Variants in TDRD3 observed in about 807,000 individuals in gnomAD.
The protein encoded by TDRD3 is tudor domain containing 3.
A neutral mutation model predicts 86.7 loss-of-function variants in TDRD3; 45 were observed. The ratio of observed to expected loss-of-function variants is 0.52; its 90% CI spans 0.41 to 0.67. The LOEUF (loss-of-function observed/expected upper bound fraction) is 0.67, where lower values mean the gene tolerates loss of function less well. TDRD3 is among the 30% of genes least tolerant of loss of function. The pLI, the probability that TDRD3 is intolerant of heterozygous loss-of-function variation, is 0.00. For synonymous variants in TDRD3, 298 were observed against 301.7 expected (o/e 0.99, Z 0.13); for missense variants, 814 against 889.0 (o/e 0.92, Z 1.07).
chr13:60,444,804 C>A, intron 3 of TDRD3, 56 bp downstream of exon 3: 1 of 1,033,850 alleles, frequency 9.7e-7, no homozygotes, highest in Non-Finnish European at 1.4e-6. Flanking sequence ...TAAATATGAA[C>A]TAAATTACTG....
At chr13:60,570,493 A>G (rs1181874528) in intron 13 of TDRD3, among the ~76,000 whole-genome samples, 1 of 152,228 alleles carries the variant, frequency 6.6e-6, no homozygotes, top group East Asian at 1.9e-4. Context: ...TATGGAGAAC[A>G]GTAAGTTGGT....
intron 3 of TDRD3, among the ~76,000 whole-genome samples, chr13:60,447,583 T>C (rs1463218834): frequency 2.6e-5 from 4 of 152,142 alleles, no homozygotes; most frequent in African/African-American, 7.2e-5. Context: ...CTGAGAGATC[T>C]TCAAGGGGAT....
chr13:60,523,139 A>C (rs759754463), intron 10 of TDRD3, among the ~76,000 whole-genome samples: 21 of 152,320 alleles, frequency 1.4e-4, no homozygotes, highest in Non-Finnish European at 1.3e-4. Flanking sequence ...ATATTAAGGC[A>C]TTTCTTCAGG....
intron 12 of TDRD3, among the ~76,000 whole-genome samples, chr13:60,565,715 C>T (rs960019370): frequency 6.6e-6 from 1 of 152,116 alleles, no homozygotes; most frequent in African/African-American, 2.4e-5. Flanking sequence ...TCATCTCCTA[C>T]AGTACCAAAT....
intron 12 of TDRD3, among the ~76,000 whole-genome samples, chr13:60,544,545 TC>T (rs1454524529): frequency 2.0e-5 from 3 of 152,078 alleles, no homozygotes; most frequent in African/African-American, 7.2e-5. Flanking sequence ...AGAAGAGGCC[TC>T]CTAAAAGACC....
intron 12 of TDRD3, among the ~76,000 whole-genome samples, chr13:60,564,879 T>C (rs961056268): frequency 1.3e-5 from 2 of 152,066 alleles, no homozygotes; most frequent in African/African-American, 4.8e-5. Flanking sequence ...AGGAAAGAAG[T>C]ACCCATTCTG....
At chr13:60,485,125 G>T (rs1387410367) in intron 6 of TDRD3, among the ~76,000 whole-genome samples, 2 of 151,958 alleles carry the variant, frequency 1.3e-5, no homozygotes, top group Admixed American at 6.6e-5. Context: ...AAATTTTTCT[G>T]TATTTGTGGA....
intron 2 of TDRD3, among the ~76,000 whole-genome samples, chr13:60,441,106 A>AT (rs1202234659): frequency 3.9e-5 from 6 of 152,112 alleles, no homozygotes; most frequent in Admixed American, 6.5e-5. Flanking sequence ...TAAAAGACTA[A>AT]TTTTTTAATA....
chr13:60,535,255 C>A, intron 12 of TDRD3, 22 bp downstream of exon 12: 1 of 1,594,978 alleles, frequency 6.3e-7, no homozygotes, highest in Non-Finnish European at 8.5e-7. Context: ...ATATTCTGTA[C>A]AAAGGCATAA....
At chr13:60,435,548 A>G (rs1473191226) in intron 1 of TDRD3, among the ~76,000 whole-genome samples, 1 of 152,196 alleles carries the variant, frequency 6.6e-6, no homozygotes. Flanking sequence ...GAGTTAGTTC[A>G]TGTAGAATAA....
chr13:60,510,146 G>A (rs1368801609), intron 9 of TDRD3, among the ~76,000 whole-genome samples: 2 of 152,050 alleles, frequency 1.3e-5, no homozygotes, highest in Non-Finnish European at 2.9e-5. Context: ...AAAACAAAAT[G>A]GGTCTAACAA....
At chr13:60,471,844 T>C (rs1389439271) in intron 5 of TDRD3, among the ~76,000 whole-genome samples, 1 of 152,192 alleles carries the variant, frequency 6.6e-6, no homozygotes, top group Non-Finnish European at 1.5e-5. Context: ...TCCTTCTCAA[T>C]TTGAATACCT....
intron 1 of TDRD3, among the ~76,000 whole-genome samples, chr13:60,417,967 G>A (rs532590561): frequency 1.8e-4 from 28 of 152,108 alleles, no homozygotes; most frequent in African/African-American, 5.1e-4. Context: ...CTTTATTCTT[G>A]AGAGTAGCCT....
intron 1 of TDRD3, among the ~76,000 whole-genome samples, chr13:60,414,611 C>T (rs1209812421): frequency 6.6e-6 from 1 of 152,018 alleles, no homozygotes; most frequent in Non-Finnish European, 1.5e-5. Flanking sequence ...AACCACAATC[C>T]TTGTTCTTAT....
At chr13:60,531,321 T>A (rs1281560242) in intron 11 of TDRD3, among the ~76,000 whole-genome samples, 1 of 152,188 alleles carries the variant, frequency 6.6e-6, no homozygotes, top group South Asian at 2.1e-4. Flanking sequence ...ACTGTTTGTT[T>A]TGAGTAGTGG....
At chr13:60,506,777 T>G (rs1956948692) in intron 8 of TDRD3, among the ~76,000 whole-genome samples, 1 of 152,036 alleles carries the variant, frequency 6.6e-6, no homozygotes, top group Non-Finnish European at 1.5e-5. Flanking sequence ...ACATCGACAC[T>G]ATGAAGAAAC....
At chr13:60,493,990 A>G (rs1165503399) in intron 7 of TDRD3, among the ~76,000 whole-genome samples, 1 of 152,208 alleles carries the variant, frequency 6.6e-6, no homozygotes, top group African/African-American at 2.4e-5. Context: ...CTAATGTTCA[A>G]ACTTGTTTAC....
At chr13:60,417,705 A>T (rs868794322) in intron 1 of TDRD3, among the ~76,000 whole-genome samples, 7 of 152,266 alleles carry the variant, frequency 4.6e-5, no homozygotes, top group Admixed American at 1.3e-4. Flanking sequence ...TTCAAAATAC[A>T]GCCTTATATA....
At chr13:60,424,115 G>A (rs1226437034) in intron 1 of TDRD3, among the ~76,000 whole-genome samples, 1 of 151,422 alleles carries the variant, frequency 6.6e-6, no homozygotes, top group Admixed American at 6.6e-5. Context: ...TCCGCCTCCC[G>A]GGTTCACGCC....
Sources: gnomAD v4.1 joint callset for allele counts (sites outside exome capture counted in the v4.1 genomes callset) on GRCh38, gnomAD v4.1.1 for gene constraint, MANE v1.5 for transcripts, NCBI Gene and HGNC (gene_info 2026-07-23, HGNC 2026-07-21) for gene names.